Variants in DDR2 observed in about 807,000 individuals in gnomAD.
DDR2 encodes discoidin domain-containing receptor 2.
Under a neutral mutation model 94.9 loss-of-function variants are expected in DDR2, and 27 were observed. The ratio of observed to expected loss-of-function variants is 0.28; its 90% confidence interval spans 0.21 to 0.39. DDR2 has a LOEUF of 0.39. Among genes scored for constraint, DDR2 ranks in the 10% least tolerant of loss-of-function variants. DDR2 has a pLI of 1.00. For synonymous variants in DDR2, 382 were observed against 377.2 expected (o/e 1.01, Z -0.15); for missense variants, 783 against 1,076.0 (o/e 0.73, Z 3.81).
intron 9 of DDR2, among the ~76,000 whole-genome samples, chr1:162,762,601 A>G (rs1663799880): frequency 6.6e-6 from 1 of 152,178 alleles, no homozygotes; most frequent in African/African-American, 2.4e-5. Flanking sequence ...TTTCTTCCGA[A>G]TAGAGTAACT....
At chr1:162,733,333 T>C (rs1288969357) in intron 3 of DDR2, among the ~76,000 whole-genome samples, 3 of 152,186 alleles carry the variant, frequency 2.0e-5, no homozygotes, top group Non-Finnish European at 4.4e-5. Context: ...TTACCCAAAA[T>C]AGGCACATTC....
At chr1:162,653,035 G>A (rs974119201) in intron 1 of DDR2, among the ~76,000 whole-genome samples, 1 of 152,214 alleles carries the variant, frequency 6.6e-6, no homozygotes, top group African/African-American at 2.4e-5. Flanking sequence ...GAACCAAGAG[G>A]TGGAGGTTGC....
intron 1 of DDR2, among the ~76,000 whole-genome samples, chr1:162,651,009 A>G (rs6676152): frequency 0.91 from 139,256 of 152,212 alleles, 64,292 homozygotes; most frequent in Middle Eastern, 0.98. Context: ...GATTACAGGC[A>G]TGAACCACCG....
chr1:162,686,210 T>A lies in DDR2; in HGVS notation c.-28+30836T>A, dbSNP rs60607521. ...CCAGCTAATTTTTGTATTTTTTTTTTAAATTTTATTTTAAGTTCTGGGATA... is the reference window on the plus strand; with the variant it reads ...CCAGCTAATTTTTGTATTTTTTTTTAAAATTTTATTTTAAGTTCTGGGATA... On this transcript the variant is annotated intron_variant, in intron 2 of 17. Transcript: ENST00000367921. 2.6e-3 allele frequency among the ~76,000 whole-genome samples: 400 copies of A among 152,048 alleles called. 3 individuals are homozygous for A. The highest frequency in any genetic ancestry group is 8.5e-3 in the African/African-American group (352 of 41,516).
intron 2 of DDR2, among the ~76,000 whole-genome samples, chr1:162,672,142 T>G (rs917227639): frequency 3.3e-5 from 5 of 152,222 alleles, no homozygotes; most frequent in Non-Finnish European, 7.3e-5. Flanking sequence ...TGCAGCCAGG[T>G]GCTTGTGTTC....
At chr1:162,692,053 C>T (rs751507041) in intron 2 of DDR2, among the ~76,000 whole-genome samples, 7 of 152,284 alleles carry the variant, frequency 4.6e-5, no homozygotes, top group South Asian at 2.1e-4. Context: ...CTTAAGGTCC[C>T]GTGCAGTCTA....
chr1:162,685,012 T>C (rs1659619517), intron 2 of DDR2, among the ~76,000 whole-genome samples: 1 of 152,186 alleles, frequency 6.6e-6, no homozygotes, highest in Non-Finnish European at 1.5e-5. Flanking sequence ...GCTAGTGAGA[T>C]AGTACGGCCT....
intron 3 of DDR2, among the ~76,000 whole-genome samples, chr1:162,728,785 G>T (rs1661851436): frequency 6.6e-6 from 1 of 152,076 alleles, no homozygotes; most frequent in African/African-American, 2.4e-5. Flanking sequence ...TGGTAGCAGG[G>T]TGTGATGACC....
chr1:162,759,122 T>A (rs1408967718), intron 7 of DDR2, among the ~76,000 whole-genome samples: 1 of 152,192 alleles, frequency 6.6e-6, no homozygotes, highest in East Asian at 1.9e-4. Context: ...AATCCTTGCA[T>A]CTTACTTCCT....
chr1:162,651,122 C>T lies in DDR2; in HGVS notation c.-191-4089C>T, dbSNP rs958314153. Among the ~76,000 whole-genome samples, 11 of 152,252 alleles carry T rather than the reference C, an allele frequency of 7.2e-5. 1 individual carries two copies. The highest frequency in any genetic ancestry group is 5.2e-4 in the Admixed American group (8 of 15,302). ...TTTCATTGGTCATCCTGCCCCAGGT[C>T]TCTCCTCCAAAGCAACCCACATGCC... On this transcript the variant is annotated intron_variant, in intron 1 of 17. Transcript: ENST00000367921.
intron 3 of DDR2, among the ~76,000 whole-genome samples, chr1:162,728,106 T>C (rs1407539897): frequency 7.0e-6 from 1 of 143,218 alleles, no homozygotes; most frequent in Admixed American, 7.2e-5. Flanking sequence ...ACTATATATA[T>C]CTATATATAG....
intron 2 of DDR2, among the ~76,000 whole-genome samples, chr1:162,717,790 A>G (rs1170272532): frequency 2.6e-5 from 4 of 152,174 alleles, no homozygotes; most frequent in Admixed American, 2.0e-4. Context: ...AACACATACT[A>G]TCAATATGAC....
chr1:162,643,468 G>A (rs755430736), intron 1 of DDR2, among the ~76,000 whole-genome samples: 14 of 152,028 alleles, frequency 9.2e-5, no homozygotes, highest in Non-Finnish European at 1.9e-4. Flanking sequence ...CATTGAAATA[G>A]GGCAGAAGAT....
chr1:162,670,308 A>T lies in DDR2; in HGVS notation c.-28+14934A>T, dbSNP rs926960417. Among the ~76,000 whole-genome samples, 9 of 152,256 alleles carry T rather than the reference A, an allele frequency of 5.9e-5. No individual in the cohort carries two copies. The East Asian group carries it at 1.7e-3, about 29-fold the overall frequency. On this transcript the variant is annotated intron_variant, in intron 2 of 17. Coordinates refer to ENST00000367921, the MANE Select transcript of DDR2 (RefSeq NM_006182.4). ...GTATTTTTAGTAGAGACGCTTCACC[A>T]TGTTGGCCAGGCTGGTCTGGAACTC...
intron 7 of DDR2, among the ~76,000 whole-genome samples, chr1:162,757,767 G>C (rs537298352): frequency 1.3e-5 from 2 of 152,136 alleles, no homozygotes; most frequent in East Asian, 1.9e-4. Flanking sequence ...AAAACTCTTA[G>C]TTCTGCCAAG....
chr1:162,631,435 C>T (rs1656555549), upstream of DDR2: 1 of 152,178 alleles, frequency 6.6e-6, no homozygotes. Flanking sequence ...TACAAGAAGT[C>T]TGGCTCTCAA....
chr1:162,785,583 G>A lies in DDR2; in HGVS notation c.*5337G>A, dbSNP rs945265760. 1.3e-5 allele frequency: 2 copies of A among 152,166 alleles called. No individual in the cohort carries two copies. Among genetic ancestry groups the A allele is most frequent in the African/African-American group, 2.4e-5 (1 of 41,450 alleles). 9.4% of individuals were successfully genotyped at this position (152,166 alleles called of 1,614,324 possible). On this transcript the variant is annotated 3_prime_UTR_variant, in exon 18 of 18. Transcript: ENST00000367921. Reference sequence around the variant, plus strand: ...TTTAAGGGGTCAAGATTATAACAATGTGTGTCTTACTAAGTTTCTAGGTCA... The same window carrying A: ...TTTAAGGGGTCAAGATTATAACAATATGTGTCTTACTAAGTTTCTAGGTCA...
intron 1 of DDR2, among the ~76,000 whole-genome samples, chr1:162,634,180 A>G (rs1656700126): frequency 6.6e-6 from 1 of 152,144 alleles, no homozygotes. Flanking sequence ...ACTTGGCTGA[A>G]CATTTGTCTG....
chr1:162,697,037 T>G (rs1467518429), intron 2 of DDR2, among the ~76,000 whole-genome samples: 1 of 152,034 alleles, frequency 6.6e-6, no homozygotes, highest in Non-Finnish European at 1.5e-5. Context: ...ATTCTCATTC[T>G]GCGTAGGGGG....
Sources: allele counts gnomAD v4.1 joint callset (sites outside exome capture counted in the v4.1 genomes callset), GRCh38; gene constraint gnomAD v4.1.1; transcripts MANE v1.5; gene names NCBI Gene and HGNC (gene_info 2026-07-23, HGNC 2026-07-21).